GRIN2B: variants seen among roughly 807,000 people sequenced by gnomAD.
GRIN2B encodes glutamate receptor ionotropic, NMDA 2B.
GRIN2B carries 5 observed loss-of-function variants against 114.5 expected under a neutral mutation model. The ratio of observed to expected loss-of-function variants is 0.04; its 90% CI spans 0.02 to 0.09. The LOEUF (loss-of-function observed/expected upper bound fraction) is 0.09. GRIN2B is among the 10% of genes least tolerant of loss of function. GRIN2B has a pLI of 1.00. For synonymous variants in GRIN2B, 787 were observed against 745.1 expected, an observed-to-expected ratio of 1.06 and a Z score of -0.92; for missense variants, 1,108 against 1,943.5, an observed-to-expected ratio of 0.57 and a Z score of 8.08.
chr12:13,818,814 T>C (rs1045647980), intron 3 of GRIN2B, among the ~76,000 whole-genome samples: 2 of 152,222 alleles, frequency 1.3e-5, no homozygotes, highest in African/African-American at 4.8e-5. Context: ...ACCAGAGATG[T>C]TGACGGCCTT....
At chr12:13,676,476 G>A (rs978039076) in intron 4 of GRIN2B, among the ~76,000 whole-genome samples, 1 of 152,072 alleles carries the variant, frequency 6.6e-6, no homozygotes, top group Non-Finnish European at 1.5e-5. Flanking sequence ...TTAATAAAGG[G>A]ACCTACTTCA....
intron 3 of GRIN2B, among the ~76,000 whole-genome samples, chr12:13,785,644 A>G (rs1864211909): frequency 6.6e-6 from 1 of 152,230 alleles, no homozygotes; most frequent in Non-Finnish European, 1.5e-5. Flanking sequence ...TCATGTAATG[A>G]AAAGAATGTA....
At chr12:13,874,479 T>C (rs942687549) in intron 2 of GRIN2B, among the ~76,000 whole-genome samples, 1 of 152,238 alleles carries the variant, frequency 6.6e-6, no homozygotes, top group East Asian at 1.9e-4. Context: ...CGGGTTTTTC[T>C]TTTTTCCTTA....
chr12:13,818,073 T>C (rs531066858), intron 3 of GRIN2B, among the ~76,000 whole-genome samples: 1 of 152,354 alleles, frequency 6.6e-6, no homozygotes, highest in Non-Finnish European at 1.5e-5. Flanking sequence ...GGGCAGTGAA[T>C]GCCTATGAAA....
intron 4 of GRIN2B, among the ~76,000 whole-genome samples, chr12:13,698,219 G>A (rs1950278657): frequency 6.7e-6 from 1 of 149,514 alleles, no homozygotes; most frequent in Non-Finnish European, 1.5e-5. Context: ...CGGTGGAGTT[G>A]GGGCGCGGGG....
chr12:13,708,640 A>G (rs1172147569), intron 4 of GRIN2B, among the ~76,000 whole-genome samples: 2 of 146,128 alleles, frequency 1.4e-5, no homozygotes, highest in Non-Finnish European at 2.9e-5. Context: ...TATGCTAAAT[A>G]CTTTACATAT....
At chr12:13,938,994 A>G (rs1397104805) in intron 2 of GRIN2B, among the ~76,000 whole-genome samples, 2 of 152,220 alleles carry the variant, frequency 1.3e-5, no homozygotes, top group African/African-American at 4.8e-5. Flanking sequence ...CAGGAAAGAA[A>G]GAAAAGAGAA....
chr12:13,930,459 T>C (rs1206126430), intron 2 of GRIN2B, among the ~76,000 whole-genome samples: 1 of 152,052 alleles, frequency 6.6e-6, no homozygotes, highest in East Asian at 1.9e-4. Context: ...TGTGAACTGA[T>C]CCAAATTCAC....
At position 13,606,263 on chromosome 12, in the gene GRIN2B, A is replaced by G. The variant is rs554564062; in HGVS notation, c.2010+2340T>C. ...TGGCTCACAATTCTGATGTCTGGAA[A>G]AGTTGAAGTTTGGGCATATGGTGAC... On this transcript the variant is annotated intron_variant, in intron 10 of 13. Coordinates refer to ENST00000609686, the MANE Select transcript of GRIN2B (RefSeq NM_000834.5). Among the ~76,000 whole-genome samples, 22 of 152,300 alleles carry G rather than the reference A, an allele frequency of 1.4e-4. No homozygotes were observed. The South Asian group carries it at 4.6e-3, about 32-fold the overall frequency.
At chr12:13,775,377 C>G (rs1404773619) in intron 3 of GRIN2B, among the ~76,000 whole-genome samples, 1 of 152,204 alleles carries the variant, frequency 6.6e-6, no homozygotes, top group Non-Finnish European at 1.5e-5. Flanking sequence ...AAGTTAGCCT[C>G]TCTTCCAATG....
At chr12:13,873,454 A>T (rs1295980146) in intron 2 of GRIN2B, among the ~76,000 whole-genome samples, 1 of 152,238 alleles carries the variant, frequency 6.6e-6, no homozygotes, top group African/African-American at 2.4e-5. Context: ...TGTCTGCTAA[A>T]CTACTAAATA....
chr12:13,978,679 A>T (rs1005783354), intron 2 of GRIN2B, among the ~76,000 whole-genome samples: 2 of 152,106 alleles, frequency 1.3e-5, no homozygotes, highest in African/African-American at 4.8e-5. Context: ...GTTTTTGGAG[A>T]TCTTTATCCC....
intron 4 of GRIN2B, among the ~76,000 whole-genome samples, chr12:13,690,379 A>T (rs866980331): frequency 0.02 from 3,023 of 148,834 alleles, 48 homozygotes; most frequent in South Asian, 0.059. Flanking sequence ...TCTCTCACAC[A>T]CACACACACA....
chr12:13,610,781 A>G (rs1459849247), intron 9 of GRIN2B, among the ~76,000 whole-genome samples: 1 of 152,188 alleles, frequency 6.6e-6, no homozygotes, highest in African/African-American at 2.4e-5. Context: ...ACGTAGAGAA[A>G]CACTATTTTG....
chr12:13,862,057 T>C (rs1865761368), intron 3 of GRIN2B, among the ~76,000 whole-genome samples: 1 of 152,184 alleles, frequency 6.6e-6, no homozygotes, highest in African/African-American at 2.4e-5. Context: ...ATTTAGGAAG[T>C]GATGCCCGAA....
chr12:13,675,850 G>C lies in GRIN2B; in HGVS notation c.1020C>G (p.Ile340Met). The C allele has an allele frequency of 6.4e-7, 1 of 1,557,862 alleles. No homozygotes were observed. Among genetic ancestry groups the C allele is most frequent in the Non-Finnish European group, 8.9e-7 (1 of 1,129,016 alleles). The change falls in exon 5 of 14, where the codon ATC becomes ATG. Residue 340 changes from isoleucine to methionine, a missense_variant. Ile to Met is a conservative substitution (Grantham distance 10, BLOSUM62 1). Transcript: ENST00000609686. ...YQSNMLNRYL[I>M]NVTFEGRNLS... ...AATTCCTCCCCTCAAAAGTGACATTGATCAGATACCTGTAAAGATAAAATA... is the reference window on the plus strand; with the variant it reads ...AATTCCTCCCCTCAAAAGTGACATTCATCAGATACCTGTAAAGATAAAATA...
intron 4 of GRIN2B, among the ~76,000 whole-genome samples, chr12:13,723,630 T>C (rs1484616754): frequency 1.2e-4 from 18 of 152,100 alleles, no homozygotes; most frequent in Admixed American, 1.2e-3. Flanking sequence ...CTGCTACAGG[T>C]GAGTGAAGTA....
intron 3 of GRIN2B, among the ~76,000 whole-genome samples, chr12:13,824,069 T>C (rs1330133058): frequency 6.6e-6 from 1 of 152,194 alleles, no homozygotes; most frequent in Non-Finnish European, 1.5e-5. Context: ...TGCTCCTATA[T>C]TCATGAGAAA....
intron 3 of GRIN2B, among the ~76,000 whole-genome samples, chr12:13,821,715 T>C (rs910909952): frequency 6.6e-6 from 1 of 152,200 alleles, no homozygotes; most frequent in African/African-American, 2.4e-5. Context: ...AATGTTCTTT[T>C]GGAGCCACAT....
Sources: gnomAD v4.1 joint callset for allele counts (sites outside exome capture counted in the v4.1 genomes callset) on GRCh38, gnomAD v4.1.1 for gene constraint, MANE v1.5 for transcripts, NCBI Gene and HGNC (gene_info 2026-07-23, HGNC 2026-07-21) for gene names.